UBE2E2: variants seen among roughly 807,000 people sequenced by gnomAD.
UBE2E2 encodes ubiquitin conjugating enzyme E2 E2, also known as ubiquitin-conjugating enzyme E2 E2.
In UBE2E2, 6 loss-of-function variants were observed where a neutral mutation model predicts 24.7. The observed-to-expected ratio is 0.24, with a 90% confidence interval of 0.13 to 0.48. UBE2E2 has a LOEUF of 0.48. Ranked by LOEUF, UBE2E2 falls within the 20% of genes least tolerant of loss-of-function variation. The pLI, the probability that UBE2E2 is intolerant of heterozygous loss-of-function variation, is 0.99. For missense variants in UBE2E2, 169 were observed against 245.0 expected, an observed-to-expected ratio of 0.69 and a Z score of 2.07; for synonymous variants, 104 against 83.6, an observed-to-expected ratio of 1.24 and a Z score of -1.33.
At chr3:23,226,583 A>T (rs1197300741) in intron 3 of UBE2E2, among the ~76,000 whole-genome samples, 1 of 152,186 alleles carries the variant, frequency 6.6e-6, no homozygotes, top group African/African-American at 2.4e-5. Flanking sequence ...GCTTTGAAGA[A>T]TGGGTGGGAT....
intron 3 of UBE2E2, among the ~76,000 whole-genome samples, chr3:23,393,787 A>T (rs935213757): frequency 1.3e-5 from 2 of 152,238 alleles, no homozygotes; most frequent in Non-Finnish European, 2.9e-5. Context: ...TGGTTAAAAA[A>T]ATCAAATGAC....
chr3:23,308,363 TTCATATTA>T (rs1699288933), intron 3 of UBE2E2, among the ~76,000 whole-genome samples: 1 of 152,200 alleles, frequency 6.6e-6, no homozygotes, highest in South Asian at 2.1e-4. Flanking sequence ...CTGTGCTTTA[TTCATATTA>T]CCATCATTAT....
At chr3:23,294,859 AC>A (rs10718748) in intron 3 of UBE2E2, among the ~76,000 whole-genome samples, 59,789 of 151,138 alleles carry the variant, frequency 0.4, 12,388 homozygotes, top group Admixed American at 0.53. Context: ...ATTTGTTATG[AC>A]CAAAAATATA....
intron 5 of UBE2E2, among the ~76,000 whole-genome samples, chr3:23,558,788 C>T (rs554241456): frequency 6.6e-6 from 1 of 152,244 alleles, no homozygotes; most frequent in African/African-American, 2.4e-5. Flanking sequence ...TTGCCAGGCA[C>T]AGTGGCATAT....
intron 3 of UBE2E2, among the ~76,000 whole-genome samples, chr3:23,419,993 T>C (rs1313616091): frequency 2.0e-5 from 3 of 152,208 alleles, no homozygotes; most frequent in African/African-American, 7.2e-5. Context: ...GGTGGGCTGC[T>C]AAGACTAGGC....
At chr3:23,545,400 G>C (rs1312134987) in intron 5 of UBE2E2, among the ~76,000 whole-genome samples, 1 of 152,188 alleles carries the variant, frequency 6.6e-6, no homozygotes, top group Non-Finnish European at 1.5e-5. Flanking sequence ...GGAGCATGCT[G>C]CCTTCAAGCA....
chr3:23,514,316 A>T (rs565648836), intron 4 of UBE2E2, among the ~76,000 whole-genome samples: 11 of 152,330 alleles, frequency 7.2e-5, no homozygotes, highest in South Asian at 2.1e-4. Flanking sequence ...ACCTTCTAAG[A>T]TCCAAAGACC....
At chr3:23,236,387 G>A (rs555139714) in intron 3 of UBE2E2, among the ~76,000 whole-genome samples, 1 of 152,072 alleles carries the variant, frequency 6.6e-6, no homozygotes, top group African/African-American at 2.4e-5. Context: ...GGGCTCAGGA[G>A]GGAAGGCTTT....
intron 3 of UBE2E2, among the ~76,000 whole-genome samples, chr3:23,481,026 A>G (rs1361510002): frequency 2.6e-5 from 4 of 152,248 alleles, no homozygotes. Flanking sequence ...ATTATTAGAT[A>G]CAACATTTTA....
At chr3:23,296,888 A>G (rs1005444757) in intron 3 of UBE2E2, among the ~76,000 whole-genome samples, 5 of 152,192 alleles carry the variant, frequency 3.3e-5, no homozygotes, top group Admixed American at 6.5e-5. Context: ...CACCAAACCG[A>G]CTTCCACAAT....
At chr3:23,337,615 A>G (rs935286450) in intron 3 of UBE2E2, among the ~76,000 whole-genome samples, 1 of 152,192 alleles carries the variant, frequency 6.6e-6, no homozygotes, top group African/African-American at 2.4e-5. Flanking sequence ...GAAGACTTGA[A>G]TGATATATAA....
chr3:23,389,124 T>G (rs565872296), intron 3 of UBE2E2, among the ~76,000 whole-genome samples: 8 of 152,276 alleles, frequency 5.3e-5, no homozygotes, highest in African/African-American at 1.7e-4. Flanking sequence ...AGGACTGATA[T>G]GAAGACGCTT....
chr3:23,364,392 G>C (rs1474008327), intron 3 of UBE2E2, among the ~76,000 whole-genome samples: 1 of 151,568 alleles, frequency 6.6e-6, no homozygotes, highest in Non-Finnish European at 1.5e-5. Flanking sequence ...GACTAATAGA[G>C]AGAGAGACAG....
intron 5 of UBE2E2, among the ~76,000 whole-genome samples, chr3:23,578,981 C>T (rs1432757260): frequency 1.3e-5 from 2 of 152,120 alleles, no homozygotes; most frequent in Non-Finnish European, 1.5e-5. Context: ...CACCTGGTCA[C>T]CCAAGAGCTC....
At chr3:23,563,626 AT>A (rs1393309405) in intron 5 of UBE2E2, among the ~76,000 whole-genome samples, 1 of 151,950 alleles carries the variant, frequency 6.6e-6, no homozygotes, top group Non-Finnish European at 1.5e-5. Flanking sequence ...TCTTTGATGT[AT>A]TTCTTCTTTG....
At chr3:23,500,688 T>G (rs1039571771) in intron 4 of UBE2E2, among the ~76,000 whole-genome samples, 1 of 152,232 alleles carries the variant, frequency 6.6e-6, no homozygotes, top group Admixed American at 6.5e-5. Flanking sequence ...TGACTTTCTA[T>G]AATTCCCCTC....
At chr3:23,318,280 T>C (rs903767885) in intron 3 of UBE2E2, among the ~76,000 whole-genome samples, 6 of 152,206 alleles carry the variant, frequency 3.9e-5, no homozygotes, top group Non-Finnish European at 4.4e-5. Flanking sequence ...TTCTTCCACC[T>C]GAGCCTCCTG....
At chr3:23,482,692 C>G (rs1256860084) in intron 3 of UBE2E2, among the ~76,000 whole-genome samples, 1 of 152,012 alleles carries the variant, frequency 6.6e-6, no homozygotes, top group Non-Finnish European at 1.5e-5. Context: ...AAGCCTAATT[C>G]TTTCATGAAA....
At chr3:23,462,838 A>G (rs1025534605) in intron 3 of UBE2E2, among the ~76,000 whole-genome samples, 8 of 152,152 alleles carry the variant, frequency 5.3e-5, no homozygotes, top group Non-Finnish European at 1.0e-4. Context: ...CTGGAACCCC[A>G]CTTATCAGCA....
Sources: allele counts gnomAD v4.1 joint callset (sites outside exome capture counted in the v4.1 genomes callset), GRCh38; gene constraint gnomAD v4.1.1; transcripts MANE v1.5; gene names NCBI Gene and HGNC (gene_info 2026-07-23, HGNC 2026-07-21).